MRTFA: variants seen among roughly 807,000 people sequenced by gnomAD.
The protein encoded by MRTFA is myocardin related transcription factor A.
MRTFA carries 20 observed loss-of-function variants against 83.5 expected under a neutral mutation model. The ratio of observed to expected loss-of-function variants is 0.24; its 90% confidence interval spans 0.17 to 0.35. The LOEUF (loss-of-function observed/expected upper bound fraction) is 0.35. Ranked by LOEUF, MRTFA falls within the 10% of genes least tolerant of loss-of-function variation. MRTFA has a pLI of 1.00. For missense variants in MRTFA, 1,200 were observed against 1,224.7 expected (o/e 0.98, Z 0.30); for synonymous variants, 659 against 541.2 (o/e 1.22, Z -3.02).
chr22:40,636,283 C>A (rs954500122), intron 1 of MRTFA, among the ~76,000 whole-genome samples, 195 bp downstream of exon 1: 5 of 151,990 alleles, frequency 3.3e-5, no homozygotes, highest in Non-Finnish European at 5.9e-5. Flanking sequence ...CCAGCCCCGG[C>A]ACAGTGACCG....
chr22:40,611,150 G>A (rs752644338), intron 1 of MRTFA, among the ~76,000 whole-genome samples: 2 of 152,072 alleles, frequency 1.3e-5, no homozygotes, highest in African/African-American at 2.4e-5. Flanking sequence ...TGTTGGCCAG[G>A]CTGGTCTCGA....
intron 2 of MRTFA, among the ~76,000 whole-genome samples, chr22:40,594,300 T>C (rs1424891600): frequency 3.3e-5 from 5 of 152,202 alleles, no homozygotes; most frequent in Non-Finnish European, 7.3e-5. Context: ...AGCCTACCAT[T>C]ACCCACCACC....
chr22:40,423,137 G>A (rs2052876785), intron 9 of MRTFA, among the ~76,000 whole-genome samples: 1 of 152,224 alleles, frequency 6.6e-6, no homozygotes, highest in African/African-American at 2.4e-5. Context: ...TTCAGGCCAG[G>A]CCTTGAAGGA....
At chr22:40,489,060 G>A (rs746045946) in intron 3 of MRTFA, among the ~76,000 whole-genome samples, 3 of 152,034 alleles carry the variant, frequency 2.0e-5, no homozygotes, top group Non-Finnish European at 4.4e-5. Flanking sequence ...TCATGCAGAT[G>A]TGATTGATGC....
In MRTFA at chr22:40,552,138, G is replaced by A. The variant is rs2055451956; in HGVS notation, c.209C>T (p.Pro70Leu). 2.5e-6 allele frequency: 1 copy of A among 398,788 alleles called. No individual in the cohort carries two copies. Among genetic ancestry groups the A allele is most frequent in the Admixed American group, 4.4e-5 (1 of 22,692 alleles). The allele number at this position is 398,788 out of a possible 1,614,324, so 24.7% of individuals were successfully genotyped here. ...CCGCTCACTAAGTGGAGGCAAATTG[G>A]GATTCCTGCCAGGGTGGAGGCCTAG... is the stretch of plus-strand genomic sequence containing the variant. Residue 70 changes from proline to leucine, a missense_variant, in exon 3 of 15, where the codon CCC becomes CTC. Physicochemically the swap from Pro to Leu is moderately conservative, Grantham distance 98. Transcript: ENST00000355630.
chr22:40,463,423 G>A, intron 3 of MRTFA, 137 bp from the exon 4 acceptor site: 1 of 673,274 alleles, frequency 1.5e-6, no homozygotes, highest in Non-Finnish European at 2.6e-6. Context: ...AAGTGCAACT[G>A]TCTGTAATTG....
intron 1 of MRTFA, among the ~76,000 whole-genome samples, 196 bp from the exon 2 acceptor site, chr22:40,594,931 A>AACACTG (rs1569344423): frequency 6.6e-6 from 1 of 151,540 alleles, no homozygotes. Context: ...GGAGTTAAAT[A>AACACTG]ATAGGTAACA....
At chr22:40,611,103 G>A (rs1377667892) in intron 1 of MRTFA, among the ~76,000 whole-genome samples, 3 of 151,652 alleles carry the variant, frequency 2.0e-5, no homozygotes, top group African/African-American at 7.3e-5. Flanking sequence ...ACGCCCGGCC[G>A]ATTTTTTGTA....
At chr22:40,631,367 G>A (rs779641679) in intron 1 of MRTFA, among the ~76,000 whole-genome samples, 11 of 152,038 alleles carry the variant, frequency 7.2e-5, no homozygotes, top group Non-Finnish European at 1.0e-4. Flanking sequence ...CTGTTCCAAG[G>A]ACTTTATATA....
rs139511888 is a variant in MRTFA at position 40,594,132 on chromosome 22, A to G, written c.-22+542T>C. On this transcript the variant is annotated intron_variant, in intron 2 of 14. Coordinates refer to ENST00000355630, the MANE Select transcript of MRTFA (RefSeq NM_020831.6). ...AGATAGGAACAAAGCATGTTGTGTC[A>G]AATCAAACTCTAGTGGTTACAGATG... is the stretch of plus-strand genomic sequence containing the variant. Among the ~76,000 whole-genome samples, 84 of 152,370 alleles carry G rather than the reference A, an allele frequency of 5.5e-4. 1 individual carries two copies. The East Asian group carries it at 0.016, about 29-fold the overall frequency.
chr22:40,454,264 T>G (rs1247947364), intron 4 of MRTFA, among the ~76,000 whole-genome samples: 4 of 152,132 alleles, frequency 2.6e-5, no homozygotes, highest in African/African-American at 9.7e-5. Context: ...TACAGGCACT[T>G]GCTACCACAT....
chr22:40,495,623 G>A (rs1471415088), intron 3 of MRTFA, among the ~76,000 whole-genome samples: 1 of 151,300 alleles, frequency 6.6e-6, no homozygotes, highest in Admixed American at 6.6e-5. Flanking sequence ...GCCAAGTGTG[G>A]TGGCGGTCGC....
intron 3 of MRTFA, 122 bp from the exon 4 acceptor site, chr22:40,463,408 C>T (rs903220261): frequency 1.3e-6 from 1 of 747,428 alleles, no homozygotes; most frequent in South Asian, 1.6e-5. Flanking sequence ...AGAAGGGTCC[C>T]CTTGAAGTGC....
At chr22:40,466,749 C>A (rs534065457) in intron 3 of MRTFA, among the ~76,000 whole-genome samples, 1 of 152,080 alleles carries the variant, frequency 6.6e-6, no homozygotes, top group African/African-American at 2.4e-5. Flanking sequence ...AAATATTAAC[C>A]ACTAGCCTTC....
intron 2 of MRTFA, among the ~76,000 whole-genome samples, chr22:40,571,270 C>T (rs1038002192): frequency 2.0e-5 from 3 of 151,946 alleles, no homozygotes; most frequent in African/African-American, 7.3e-5. Context: ...CAAACATTAT[C>T]TCAGAATGGA....
chr22:40,492,741 G>T (rs551594292), intron 3 of MRTFA, among the ~76,000 whole-genome samples: 1 of 152,116 alleles, frequency 6.6e-6, no homozygotes, highest in Non-Finnish European at 1.5e-5. Flanking sequence ...AAAAGCAGAG[G>T]GGGGAGGTAC....
intron 4 of MRTFA, 64 bp from the exon 5 acceptor site, chr22:40,435,618 T>G (rs2053153462): frequency 6.4e-7 from 1 of 1,563,794 alleles, no homozygotes; most frequent in African/African-American, 1.4e-5. Context: ...GCTACGATAT[T>G]CAGTGGAGAA....
chr22:40,463,912 C>A (rs2053763415), intron 3 of MRTFA, among the ~76,000 whole-genome samples: 1 of 152,136 alleles, frequency 6.6e-6, no homozygotes, highest in African/African-American at 2.4e-5. Flanking sequence ...CAAAGCACAT[C>A]CGGGCTAGGG....
chr22:40,571,472 A>G (rs1050828085), intron 2 of MRTFA, among the ~76,000 whole-genome samples: 2 of 152,170 alleles, frequency 1.3e-5, no homozygotes, highest in African/African-American at 4.8e-5. Flanking sequence ...TCAAAGGATA[A>G]TATCAAGAGG....
Sources: allele counts gnomAD v4.1 joint callset (sites outside exome capture counted in the v4.1 genomes callset), GRCh38; gene constraint gnomAD v4.1.1; transcripts MANE v1.5; gene names NCBI Gene and HGNC (gene_info 2026-07-23, HGNC 2026-07-21).